Variants in ZBTB16 observed in about 807,000 individuals in gnomAD.
The protein encoded by ZBTB16 is zinc finger and BTB domain containing 16.
Under a neutral mutation model 56.8 loss-of-function variants are expected in ZBTB16, and 8 were observed. That is an observed-to-expected ratio of 0.14 (90% confidence interval 0.08 to 0.25). The LOEUF (loss-of-function observed/expected upper bound fraction) is 0.25, where lower values mean the gene tolerates loss of function less well. Among genes scored for constraint, ZBTB16 ranks in the 10% least tolerant of loss-of-function variants. ZBTB16 has a pLI of 1.00. For synonymous variants in ZBTB16, 363 were observed against 368.5 expected, an observed-to-expected ratio of 0.98 and a Z score of 0.17; for missense variants, 625 against 903.0, an observed-to-expected ratio of 0.69 and a Z score of 3.95.
At chr11:114,127,320 A>C (rs1387576331) in intron 2 of ZBTB16, among the ~76,000 whole-genome samples, 3 of 151,840 alleles carry the variant, frequency 2.0e-5, no homozygotes, top group African/African-American at 7.3e-5. Flanking sequence ...CGTGCATTGG[A>C]CTCCCATGGT....
intron 4 of ZBTB16, among the ~76,000 whole-genome samples, chr11:114,200,209 A>G (rs994333273): frequency 4.6e-5 from 7 of 152,088 alleles, no homozygotes; most frequent in African/African-American, 1.7e-4. Context: ...ATGTATGCAT[A>G]AGTGGTAGCT....
chr11:114,127,695 G>A (rs560700718), intron 2 of ZBTB16, among the ~76,000 whole-genome samples: 1 of 152,194 alleles, frequency 6.6e-6, no homozygotes, highest in Non-Finnish European at 1.5e-5. Context: ...GTTATTTAGG[G>A]GCTGGGGAGT....
At chr11:114,070,397 C>G (rs528440719) in intron 2 of ZBTB16, among the ~76,000 whole-genome samples, 1 of 152,054 alleles carries the variant, frequency 6.6e-6, no homozygotes, top group Admixed American at 6.6e-5. Context: ...CGTGAGCCAC[C>G]GCGCCCGGCC....
At chr11:114,123,312 T>C (rs772478322) in intron 2 of ZBTB16, among the ~76,000 whole-genome samples, 2 of 152,124 alleles carry the variant, frequency 1.3e-5, no homozygotes, top group African/African-American at 2.4e-5. Context: ...ATGGATCTCA[T>C]TGGCTCCCCC....
Position 114,076,485 on chromosome 11 carries a change from G to A in ZBTB16, c.1268+11917G>A, listed in dbSNP as rs528059392. On this transcript the variant is annotated intron_variant, in intron 2 of 6. Transcript: ENST00000335953. ...AGCTCTTGCCCCGCTTAGAGCCGGT[G>A]AAAGCTGCTTCGAAGGCGTTTGTAG... Among the ~76,000 whole-genome samples the A allele has an allele frequency of 3.9e-5, 6 of 152,278 alleles. No homozygotes were observed. The East Asian group carries it at 9.7e-4, about 25-fold the overall frequency.
chr11:114,238,977 C>G (rs1304324631), intron 4 of ZBTB16, among the ~76,000 whole-genome samples: 1 of 152,214 alleles, frequency 6.6e-6, no homozygotes, highest in Non-Finnish European at 1.5e-5. Flanking sequence ...AGTCTGGGAC[C>G]CAGTTTCTCT....
intron 1 of ZBTB16, chr11:114,061,456 C>T (rs1014744464): frequency 6.6e-6 from 1 of 152,254 alleles, no homozygotes; most frequent in African/African-American, 2.4e-5. Flanking sequence ...GCCTCCGTCC[C>T]CACCCCGGGG....
At chr11:114,084,177 AT>A (rs1939882084) in intron 2 of ZBTB16, among the ~76,000 whole-genome samples, 1 of 151,670 alleles carries the variant, frequency 6.6e-6, no homozygotes, top group Admixed American at 6.6e-5. Context: ...CAGTTATTTT[AT>A]TTTATTTATT....
intron 4 of ZBTB16, chr11:114,189,764 C>CAAAAA (rs763191009): frequency 9.6e-6 from 1 of 104,624 alleles, no homozygotes; most frequent in Admixed American, 1.0e-4. Flanking sequence ...GACCCCGTCT[C>CAAAAA]AAAAAAAAAA....
At chr11:114,190,539 A>G (rs769527518) in intron 4 of ZBTB16, among the ~76,000 whole-genome samples, 1 of 152,156 alleles carries the variant, frequency 6.6e-6, no homozygotes, top group African/African-American at 2.4e-5. Flanking sequence ...ACAATTATAA[A>G]CTTGAAAAAT....
chr11:114,213,914 A>G (rs185121535), intron 4 of ZBTB16, among the ~76,000 whole-genome samples: 1 of 152,142 alleles, frequency 6.6e-6, no homozygotes, highest in East Asian at 1.9e-4. Flanking sequence ...CAGAGTTCAC[A>G]CTTGAACTAC....
At chr11:114,172,107 C>T (rs1565666439) in intron 3 of ZBTB16, among the ~76,000 whole-genome samples, 1 of 152,220 alleles carries the variant, frequency 6.6e-6, no homozygotes, top group Non-Finnish European at 1.5e-5. Context: ...ATCATCCCCT[C>T]AATCCTCCTG....
At chr11:114,089,059 C>T (rs1051555293) in intron 2 of ZBTB16, among the ~76,000 whole-genome samples, 3 of 152,240 alleles carry the variant, frequency 2.0e-5, no homozygotes, top group Admixed American at 2.0e-4. Context: ...CCTCCTCACC[C>T]CCACCCAGTA....
At chr11:114,145,951 T>C (rs1942087017) in intron 2 of ZBTB16, among the ~76,000 whole-genome samples, 1 of 152,192 alleles carries the variant, frequency 6.6e-6, no homozygotes, top group Admixed American at 6.5e-5. Context: ...AAAGCTAATA[T>C]ATAACTGAAA....
chr11:114,237,472 C>T (rs893708540), intron 4 of ZBTB16: 3 of 152,234 alleles, frequency 2.0e-5, no homozygotes, highest in African/African-American at 2.4e-5. Flanking sequence ...CCAGGCCTGA[C>T]GTCTCTCCAT....
chr11:114,135,292 G>A (rs1247957732), intron 2 of ZBTB16, among the ~76,000 whole-genome samples: 1 of 152,184 alleles, frequency 6.6e-6, no homozygotes, highest in East Asian at 1.9e-4. Context: ...CAATTTGTGA[G>A]TGTGGTAGAC....
chr11:114,159,939 G>GGGGA (rs1555145927), intron 3 of ZBTB16, among the ~76,000 whole-genome samples: 1 of 149,324 alleles, frequency 6.7e-6, no homozygotes. Context: ...GGGGGAGGCG[G>GGGGA]GGGGGAGGCG....
chr11:114,242,145 C>T (rs200187365), intron 4 of ZBTB16, 22 bp from the exon 5 acceptor site: 1 of 1,613,258 alleles, frequency 6.2e-7, no homozygotes, highest in Non-Finnish European at 8.5e-7. Context: ...TTCTGAGGCA[C>T]CCCCTCTCCT....
intron 4 of ZBTB16, among the ~76,000 whole-genome samples, chr11:114,214,493 T>C (rs1944057188): frequency 6.6e-6 from 1 of 152,236 alleles, no homozygotes; most frequent in South Asian, 2.1e-4. Flanking sequence ...AGCAGCCCTA[T>C]GGCTATTATG....
Sources: gnomAD v4.1 joint callset for allele counts (sites outside exome capture counted in the v4.1 genomes callset) on GRCh38, gnomAD v4.1.1 for gene constraint, MANE v1.5 for transcripts, NCBI Gene and HGNC (gene_info 2026-07-23, HGNC 2026-07-21) for gene names.